CLSTN2: variants seen among roughly 807,000 people sequenced by gnomAD.
CLSTN2 encodes calsyntenin-2.
CLSTN2 carries 48 observed loss-of-function variants against 101.2 expected under a neutral mutation model. The ratio of observed to expected loss-of-function variants is 0.47; its 90% confidence interval spans 0.38 to 0.60. CLSTN2 has a LOEUF of 0.60. Ranked by LOEUF, CLSTN2 falls within the 20% of genes least tolerant of loss-of-function variation. The pLI, the probability that CLSTN2 is intolerant of heterozygous loss-of-function variation, is 0.00. For missense variants in CLSTN2, 1,160 were observed against 1,238.2 expected (o/e 0.94, Z 0.95); for synonymous variants, 481 against 463.6 (o/e 1.04, Z -0.48).
At chr3:140,509,281 A>T (rs1364776054) in intron 8 of CLSTN2, among the ~76,000 whole-genome samples, 1 of 152,202 alleles carries the variant, frequency 6.6e-6, no homozygotes, top group African/African-American at 2.4e-5. Context: ...AGCATATTAT[A>T]GTCTCTGAGA....
chr3:140,443,065 T>G (rs1227002103), intron 5 of CLSTN2, among the ~76,000 whole-genome samples: 1 of 152,210 alleles, frequency 6.6e-6, no homozygotes, highest in Non-Finnish European at 1.5e-5. Flanking sequence ...GCCTGAACAA[T>G]CCCTGTTCTG....
chr3:140,182,615 A>G (rs1053247138), intron 2 of CLSTN2, among the ~76,000 whole-genome samples: 1 of 152,170 alleles, frequency 6.6e-6, no homozygotes, highest in African/African-American at 2.4e-5. Context: ...GTCCCCTGGT[A>G]TCCCACTCTG....
intron 1 of CLSTN2, among the ~76,000 whole-genome samples, chr3:139,939,186 G>A (rs968283118): frequency 2.6e-5 from 4 of 152,160 alleles, no homozygotes; most frequent in Admixed American, 2.6e-4. Flanking sequence ...TATAACAACA[G>A]TATGGTGTAA....
chr3:140,300,314 A>T (rs2087045783), intron 2 of CLSTN2, among the ~76,000 whole-genome samples: 1 of 152,178 alleles, frequency 6.6e-6, no homozygotes, highest in Non-Finnish European at 1.5e-5. Flanking sequence ...ATGCTGATTA[A>T]TGCCCTTCAA....
rs1385785387 is a variant in CLSTN2 at position 140,532,457 on chromosome 3, T to A, written c.1478T>A (p.Met493Lys). The A allele has an allele frequency of 1.9e-6, 3 of 1,613,628 alleles. No homozygotes were observed. The South Asian group carries it at 3.3e-5, about 18-fold the overall frequency. ...CCCATTCATCCATCTCACATAGCCA[T>A]GCAACTCACAGTCGGCGCTTGTTGG... Reference protein sequence around the residue: ...DWPIHPSHIAMQLTVGACWQG... With the variant: ...DWPIHPSHIAKQLTVGACWQG... The change falls in exon 9 of 17, where the codon ATG becomes AAG. Residue 493 changes from methionine (M) to lysine (K), a missense_variant. Transcript: ENST00000458420.
chr3:140,461,698 A>G (rs1320860867), intron 7 of CLSTN2, among the ~76,000 whole-genome samples: 2 of 152,222 alleles, frequency 1.3e-5, no homozygotes, highest in South Asian at 4.2e-4. Context: ...ACCCAGCTCA[A>G]TAAGAATCTT....
intron 12 of CLSTN2, among the ~76,000 whole-genome samples, chr3:140,560,703 G>A (rs908384710): frequency 2.0e-5 from 3 of 152,156 alleles, no homozygotes; most frequent in Non-Finnish European, 4.4e-5. Flanking sequence ...CATGGTGAGA[G>A]AGAACCATGA....
At chr3:140,177,872 C>T (rs1437120334) in intron 2 of CLSTN2, among the ~76,000 whole-genome samples, 1 of 152,114 alleles carries the variant, frequency 6.6e-6, no homozygotes, top group African/African-American at 2.4e-5. Context: ...CTGAAATACA[C>T]AGCTGAATAG....
At chr3:140,078,148 C>A (rs1400740292) in intron 1 of CLSTN2, among the ~76,000 whole-genome samples, 1 of 152,184 alleles carries the variant, frequency 6.6e-6, no homozygotes, top group Non-Finnish European at 1.5e-5. Flanking sequence ...TCACAGGACA[C>A]CCTGCACCCT....
chr3:140,498,934 C>T (rs1038638224), intron 8 of CLSTN2, among the ~76,000 whole-genome samples: 2 of 151,002 alleles, frequency 1.3e-5, no homozygotes, highest in African/African-American at 4.9e-5. Context: ...ACTGAGCACT[C>T]TGTCTGGCAT....
chr3:140,323,416 G>A (rs1022151180), intron 2 of CLSTN2, among the ~76,000 whole-genome samples: 2 of 152,220 alleles, frequency 1.3e-5, no homozygotes, highest in Non-Finnish European at 2.9e-5. Flanking sequence ...AAAGCAGTAA[G>A]CTCCACACAT....
chr3:139,992,165 C>G (rs1017989619), intron 1 of CLSTN2, among the ~76,000 whole-genome samples: 1 of 152,126 alleles, frequency 6.6e-6, no homozygotes, highest in African/African-American at 2.4e-5. Context: ...AGACTTTTAA[C>G]AGATGGATGA....
At chr3:140,386,520 G>T (rs1045829344) in intron 2 of CLSTN2, among the ~76,000 whole-genome samples, 1 of 152,130 alleles carries the variant, frequency 6.6e-6, no homozygotes, top group Non-Finnish European at 1.5e-5. Flanking sequence ...CACACTGTCC[G>T]CCCTGTCTCA....
At chr3:140,058,654 T>C (rs1394673050) in intron 1 of CLSTN2, among the ~76,000 whole-genome samples, 1 of 152,168 alleles carries the variant, frequency 6.6e-6, no homozygotes, top group Non-Finnish European at 1.5e-5. Flanking sequence ...CCTACTCTCC[T>C]GGTGAACAGT....
intron 1 of CLSTN2, among the ~76,000 whole-genome samples, chr3:140,138,429 G>A (rs570974607): frequency 3.1e-4 from 47 of 152,168 alleles, no homozygotes; most frequent in Admixed American, 2.6e-3. Context: ...TTAGGGAAAA[G>A]CATCCTTCCT....
chr3:140,254,644 G>T (rs2086590423), intron 2 of CLSTN2, among the ~76,000 whole-genome samples: 1 of 152,042 alleles, frequency 6.6e-6, no homozygotes, highest in Non-Finnish European at 1.5e-5. Flanking sequence ...GATTGAAACT[G>T]GACTCCTTCC....
intron 1 of CLSTN2, among the ~76,000 whole-genome samples, chr3:140,116,633 C>T (rs1049192429): frequency 6.6e-6 from 1 of 152,044 alleles, no homozygotes; most frequent in Non-Finnish European, 1.5e-5. Flanking sequence ...AACTTTTGCG[C>T]CCCCCAGGTG....
At chr3:140,206,887 C>T (rs910065087) in intron 2 of CLSTN2, among the ~76,000 whole-genome samples, 7 of 152,182 alleles carry the variant, frequency 4.6e-5, no homozygotes, top group African/African-American at 9.6e-5. Context: ...GATGCAGAAC[C>T]TACAGCGCAG....
chr3:139,949,444 T>C (rs1480213184), intron 1 of CLSTN2, among the ~76,000 whole-genome samples: 1 of 152,074 alleles, frequency 6.6e-6, no homozygotes, highest in African/African-American at 2.4e-5. Context: ...GCAGGAGGAT[T>C]AGGAGAGGTC....
Sources: allele counts gnomAD v4.1 joint callset (sites outside exome capture counted in the v4.1 genomes callset), GRCh38; gene constraint gnomAD v4.1.1; transcripts MANE v1.5; gene names NCBI Gene and HGNC (gene_info 2026-07-23, HGNC 2026-07-21).